KIFC2: variants seen among roughly 807,000 people sequenced by gnomAD.
KIFC2 encodes the protein kinesin-like protein KIFC2.
Under a neutral mutation model 91.5 loss-of-function variants are expected in KIFC2, and 94 were observed. That is an observed-to-expected ratio of 1.03 (90% CI 0.87 to 1.22). KIFC2 has a LOEUF of 1.22. Ranked by LOEUF, KIFC2 falls within the 50% of genes most tolerant of loss-of-function variation. The pLI is 0.00. For synonymous variants in KIFC2, 729 were observed against 503.9 expected (o/e 1.45, Z -5.98); for missense variants, 1,357 against 1,103.3 (o/e 1.23, Z -3.26).
Position 144,468,414 on chromosome 8 carries a change from T to A in KIFC2, c.888+8T>A, listed in dbSNP as rs757177795. 2 of 1,603,732 alleles carry A rather than the reference T, an allele frequency of 1.2e-6. No homozygotes were observed. Among genetic ancestry groups the A allele is most frequent in the South Asian group, 2.2e-5 (2 of 90,612 alleles). Reference sequence around the variant, plus strand: ...GAAGCCCTCCGAGCCCAGGTGGGCATGGGGCCCAGGGATCCATGGCTCAGG... The same window carrying A: ...GAAGCCCTCCGAGCCCAGGTGGGCAAGGGGCCCAGGGATCCATGGCTCAGG... On this transcript the variant is annotated splice_region_variant and intron_variant, in intron 8 of 17. Transcript: ENST00000645548.
chr8:144,467,107 C>T lies in KIFC2; in HGVS notation c.327C>T (p.Gly109=). 1 of 1,604,224 alleles carries T rather than the reference C, an allele frequency of 6.2e-7. No homozygotes were observed. The highest frequency in any genetic ancestry group is 1.1e-5 in the South Asian group (1 of 90,006). The change falls in exon 3 of 18, where the codon GGC becomes GGT. Residue 109 remains glycine (G), a synonymous_variant. Transcript: ENST00000645548. ...GCTGCGGGGGCCCGGCGGACCTGGG[C>T]CAGGTGAGCGCGGCGGAGGGGGCTG... ...EESCGGPADL[G]QSGEVPSLLT...
Position 144,472,782 on chromosome 8 carries a change from C to G in KIFC2, c.1862-13C>G, listed in dbSNP as rs1179896489. 6.3e-7 allele frequency: 1 copy of G among 1,591,446 alleles called. No homozygotes were observed. Among genetic ancestry groups the G allele is most frequent in the East Asian group, 2.3e-5 (1 of 44,418 alleles). ...CCGGCCTTCCCCCATGTCGGGCTCGCTCGCCCCTCTAGGCACGCTGCACCT... is the reference window on the plus strand; with the variant it reads ...CCGGCCTTCCCCCATGTCGGGCTCGGTCGCCCCTCTAGGCACGCTGCACCT... On this transcript the variant is annotated splice_polypyrimidine_tract_variant and intron_variant, in intron 16 of 17. Coordinates refer to ENST00000645548, the MANE Select transcript of KIFC2 (RefSeq NM_001369769.2).
chr8:144,470,287 C>G (rs977543954), intron 12 of KIFC2, among the ~76,000 whole-genome samples: 1 of 152,242 alleles, frequency 6.6e-6, no homozygotes, highest in African/African-American at 2.4e-5. Context: ...CCAACCACTT[C>G]TTCCTTCATC....
rs752578779 is a variant in KIFC2 at position 144,471,950 on chromosome 8, A to G, written c.1389A>G (p.Arg463=). The G allele has an allele frequency of 3.3e-5, 54 of 1,613,068 alleles. No individual in the cohort carries two copies. Among genetic ancestry groups the G allele is most frequent in the Admixed American group, 5.0e-5 (3 of 60,006 alleles). Residue 463 remains arginine, a synonymous_variant, in exon 13 of 18, where the codon AGA becomes AGG. Coordinates refer to ENST00000645548, the MANE Select transcript of KIFC2 (RefSeq NM_001369769.2). ...PPDASQEEVF[R]ELEPAVLSCL... Reference sequence around the variant, plus strand: ...TCTCCCGCCTCCCGCAGGTCTTCAGAGAGCTGGAACCTGCGGTGCTGTCCT... The same window carrying G: ...TCTCCCGCCTCCCGCAGGTCTTCAGGGAGCTGGAACCTGCGGTGCTGTCCT...
At chr8:144,471,293 T>A (rs1333083445) in intron 12 of KIFC2, among the ~76,000 whole-genome samples, 1 of 151,600 alleles carries the variant, frequency 6.6e-6, no homozygotes, top group Non-Finnish European at 1.5e-5. Flanking sequence ...TTTTTAAAAT[T>A]TTTTACTACA....
chr8:144,471,939 C>T lies in KIFC2; in HGVS notation c.1381-3C>T. ...TCAAAACACATTCTCCCGCCTCCCGCAGGTCTTCAGAGAGCTGGAACCTGC... is the reference window on the plus strand; with the variant it reads ...TCAAAACACATTCTCCCGCCTCCCGTAGGTCTTCAGAGAGCTGGAACCTGC... On this transcript the variant is annotated splice_polypyrimidine_tract_variant and splice_region_variant and intron_variant, in intron 12 of 17. Coordinates refer to ENST00000645548, the MANE Select transcript of KIFC2 (RefSeq NM_001369769.2). The T allele has an allele frequency of 6.2e-7, 1 of 1,612,954 alleles. No individual in the cohort carries two copies. Among genetic ancestry groups the T allele is most frequent in the Non-Finnish European group, 8.5e-7 (1 of 1,179,752 alleles).
intron 2 of KIFC2, 58 bp from the exon 3 acceptor site, chr8:144,466,901 G>A: frequency 6.4e-7 from 1 of 1,554,048 alleles, no homozygotes. Context: ...GGGAGGGGCG[G>A]AGGCCTGGCT....
At position 144,473,565 on chromosome 8, in the gene KIFC2, C is replaced by A; in HGVS notation, c.*176C>A. 1.0e-6 allele frequency: 1 copy of A among 994,964 alleles called. No individual in the cohort carries two copies. The highest frequency in any genetic ancestry group is 1.4e-6 in the Non-Finnish European group (1 of 713,818). 61.6% of individuals were successfully genotyped at this position (994,964 alleles called of 1,614,324 possible). On this transcript the variant is annotated 3_prime_UTR_variant, in exon 18 of 18. Coordinates refer to ENST00000645548, the MANE Select transcript of KIFC2 (RefSeq NM_001369769.2). ...TCCGCAGCCAGTGAAGTGTGTTGTG[C>A]CTGCTGAAGTGATCACCCCCCGCCC...
upstream of KIFC2, chr8:144,466,293 G>A (rs975257011): frequency 1.7e-5 from 4 of 233,050 alleles, no homozygotes; most frequent in African/African-American, 7.0e-5. Flanking sequence ...CCTTCCAGCC[G>A]TGGGAGCCGG....
chr8:144,474,075 C>T lies in KIFC2; in HGVS notation c.*686C>T, dbSNP rs537111394. 1.8e-5 allele frequency: 11 copies of T among 619,644 alleles called. No individual in the cohort carries two copies. The highest frequency in any genetic ancestry group is 1.1e-4 in the African/African-American group (6 of 54,152). The allele number at this position is 619,644 out of a possible 1,614,324, so 38.4% of individuals were successfully genotyped here. A position where few individuals can be genotyped will look rare whatever the true frequency, so the allele number is the denominator to read the frequency against. ...GTGAGGGTTGTGCCCAGCTGGGCCA[C>T]GGCCATGCGTGGGGTGGCCCAATAA... On this transcript the variant is annotated 3_prime_UTR_variant, in exon 18 of 18. Transcript: ENST00000645548.
Position 144,469,384 on chromosome 8 carries a change from G to GAC in KIFC2, c.1222+7_1222+8dup, listed in dbSNP as rs1824833833. 1 of 1,611,788 alleles carries GAC rather than the reference G, an allele frequency of 6.2e-7. No homozygotes were observed. Among genetic ancestry groups the GAC allele is most frequent in the Admixed American group, 1.7e-5 (1 of 59,746 alleles). On this transcript the variant is annotated splice_donor_region_variant and intron_variant, in intron 11 of 17. Transcript: ENST00000645548. ...GGCGGCTGCCAGAACTCAAGGGTAT[G>GAC]ACAGGCTTGGGAGCCTAGCGGGGCA...
rs377308274 is a variant in KIFC2, at chr8:144,467,825, C to G, written c.682-34C>G. On this transcript the variant is annotated intron_variant, in intron 6 of 17. Coordinates refer to ENST00000645548, the MANE Select transcript of KIFC2 (RefSeq NM_001369769.2). ...GGCAGGGCCGGGCATGGAGGGGGTG[C>G]TTCAGGTGAGTGCCGAGGTTTCCTC... 4 of 1,613,454 alleles carry G rather than the reference C, an allele frequency of 2.5e-6. No homozygotes were observed. In the Admixed American group the frequency reaches 5.0e-5, roughly 20 times the overall value.
intron 3 of KIFC2, 28 bp from the exon 4 acceptor site, chr8:144,467,175 C>T (rs372510527): frequency 9.2e-5 from 149 of 1,613,274 alleles, no homozygotes; most frequent in South Asian, 1.2e-4. Flanking sequence ...CTTTCACAGC[C>T]CTGCTCGGAT....
chr8:144,468,129 G>A (rs1824760511), intron 7 of KIFC2, 142 bp downstream of exon 7: 48 of 1,179,958 alleles, frequency 4.1e-5, no homozygotes, highest in Non-Finnish European at 5.5e-5. Context: ...GATGCCAATG[G>A]GAAGACCCCC....
intron 12 of KIFC2, among the ~76,000 whole-genome samples, chr8:144,471,318 T>C (rs1824914873): frequency 8.1e-6 from 1 of 122,874 alleles, no homozygotes; most frequent in African/African-American, 2.5e-5. Context: ...TATGTATATG[T>C]ATTTTTTTTT....
In KIFC2 at chr8:144,469,485, T is replaced by A; in HGVS notation, c.1223-5T>A. Reference sequence around the variant, plus strand: ...GGCATTATGCTGACCTGATCCCCACTGCAGGAAATATCCGTGTGCTGTGTC... The same window carrying A: ...GGCATTATGCTGACCTGATCCCCACAGCAGGAAATATCCGTGTGCTGTGTC... On this transcript the variant is annotated splice_region_variant and splice_polypyrimidine_tract_variant and intron_variant, in intron 11 of 17. Coordinates refer to ENST00000645548, the MANE Select transcript of KIFC2 (RefSeq NM_001369769.2). The A allele has an allele frequency of 6.2e-7, 1 of 1,614,006 alleles. No individual in the cohort carries two copies. The highest frequency in any genetic ancestry group is 8.5e-7 in the Non-Finnish European group (1 of 1,180,016).
Position 144,472,124 on chromosome 8 carries a change from C to T in KIFC2, c.1486-14C>T, listed in dbSNP as rs1166152468. The stretch of plus-strand genomic sequence containing the variant: ...TTGGATGTGAGCCCGGTGTGCACCC[C>T]ACCCCATCCTCAGGGCCCTCCTGAG... On this transcript the variant is annotated splice_polypyrimidine_tract_variant and intron_variant, in intron 13 of 17. Transcript: ENST00000645548. 5 of 1,613,084 alleles carry T rather than the reference C, an allele frequency of 3.1e-6. No homozygotes were observed. The highest frequency in any genetic ancestry group is 3.3e-5 in the Admixed American group (2 of 60,028).
intron 12 of KIFC2, among the ~76,000 whole-genome samples, chr8:144,470,368 C>T (rs1824878317): frequency 1.3e-5 from 2 of 152,272 alleles, no homozygotes; most frequent in African/African-American, 2.4e-5. Flanking sequence ...GTGCACCGTC[C>T]TCTGGACAGC....
Position 144,467,571 on chromosome 8 carries a change from C to G in KIFC2, c.556C>G (p.Leu186Val). ...LGDETQGQQP[L>V]QLEEDQRAWQ... is the part of the protein sequence containing the mutation. Reference sequence around the variant, plus strand: ...GGATGAGACCCAGGGACAGCAGCCCCTCCAGTTGGAGGAGGATCAGAGGGC... The same window carrying G: ...GGATGAGACCCAGGGACAGCAGCCCGTCCAGTTGGAGGAGGATCAGAGGGC... Residue 186 changes from leucine to valine, a missense_variant, in exon 5 of 18, where the codon CTC (leucine) becomes GTC (valine). Coordinates refer to ENST00000645548, the MANE Select transcript of KIFC2 (RefSeq NM_001369769.2). The G allele has an allele frequency of 6.2e-7, 1 of 1,605,770 alleles. No individual in the cohort carries two copies. Among genetic ancestry groups the G allele is most frequent in the Non-Finnish European group, 8.5e-7 (1 of 1,175,996 alleles).
Sources: gnomAD v4.1 joint callset for allele counts (sites outside exome capture counted in the v4.1 genomes callset) on GRCh38, gnomAD v4.1.1 for gene constraint, MANE v1.5 for transcripts, NCBI Gene and HGNC (gene_info 2026-07-23, HGNC 2026-07-21) for gene names.